Variants in LRRN2 observed in about 807,000 individuals in gnomAD.
The protein encoded by LRRN2 is leucine rich repeat neuronal 2.
In LRRN2, 10 loss-of-function variants were observed where a neutral mutation model predicts 35.7. The observed-to-expected ratio is 0.28, with a 90% CI of 0.17 to 0.47. The LOEUF (loss-of-function observed/expected upper bound fraction) is 0.47. LRRN2 is among the 20% of genes least tolerant of loss of function. The pLI is 0.99. For missense variants in LRRN2, 731 were observed against 940.3 expected, an observed-to-expected ratio of 0.78 and a Z score of 2.91; for synonymous variants, 391 against 409.6, an observed-to-expected ratio of 0.95 and a Z score of 0.55.
Position 204,618,406 on chromosome 1 carries a change from C to T in LRRN2, c.1587G>A (p.Leu529=). 1 of 1,613,498 alleles carries T rather than the reference C, an allele frequency of 6.2e-7. No homozygotes were observed. The change falls in exon 2 of 2, where the codon CTG becomes CTA. Residue 529 remains leucine (L), a synonymous_variant. Coordinates refer to ENST00000367177, the MANE Select transcript of LRRN2 (RefSeq NM_201630.2). ...LQPGRDEGQG[L]ELRVQETHPY... The stretch of plus-strand genomic sequence containing the variant: ...GGTGGGTCTCCTGCACCCGGAGCTC[C>T]AGCCCCTGTCCTTCGTCCCTGCCTG...
In LRRN2 at chr1:204,617,906, A is replaced by G. The variant is rs1404093858; in HGVS notation, c.2087T>C (p.Leu696Pro). Residue 696 changes from leucine to proline, a missense_variant, in exon 2 of 2, where the codon CTG (leucine) becomes CCG (proline). Around this residue, in one of 3 missense-constraint regions of LRRN2, gnomAD observed 229 missense variants for 258.4 expected, o/e 0.89. Coordinates refer to ENST00000367177, the MANE Select transcript of LRRN2 (RefSeq NM_201630.2). Reference protein sequence around the residue: ...LVLPWNPGRKLPRSSEGETLL... With the variant: ...LVLPWNPGRKPPRSSEGETLL... ...TGTCTCCCCTTCTGAGGATCTGGGC[A>G]GCTTCCTCCCTGGATTCCAGGGCAG... 4 of 1,614,000 alleles carry G rather than the reference A, an allele frequency of 2.5e-6. No individual in the cohort carries two copies. The highest frequency in any genetic ancestry group is 3.4e-6 in the Non-Finnish European group (4 of 1,180,054).
In LRRN2 at chr1:204,619,452, C is replaced by T. The variant is rs1243536643; in HGVS notation, c.541G>A (p.Asp181Asn). The T allele has an allele frequency of 6.2e-7, 1 of 1,614,224 alleles. No individual in the cohort carries two copies. Among genetic ancestry groups the T allele is most frequent in the Non-Finnish European group, 8.5e-7 (1 of 1,180,046 alleles). The change falls in exon 2 of 2, where the codon GAC (aspartate) becomes AAC (asparagine). Residue 181 changes from aspartate (D) to asparagine (N), a missense_variant. By Grantham distance (23) the Asp-to-Asn change is conservative. Transcript: ENST00000367177. ...HLNSNLLRAI[D>N]SRWFEMLPNL... ...GGCAGCATTTCAAACCAGCGGCTGT[C>T]AATGGCCCTCAGGAGGTTGGAGTTG...
intron 1 of LRRN2, chr1:204,627,359 G>T (rs1667467489): frequency 6.6e-6 from 1 of 152,202 alleles, no homozygotes; most frequent in South Asian, 2.1e-4. Flanking sequence ...GGGACTGGAG[G>T]GCATCTGCTG....
intron 1 of LRRN2, among the ~76,000 whole-genome samples, chr1:204,674,407 G>A (rs966393749): frequency 2.0e-5 from 3 of 152,196 alleles, no homozygotes; most frequent in Non-Finnish European, 4.4e-5. Context: ...GCAAATGTGA[G>A]GTTGCCATGG....
chr1:204,637,433 G>A (rs1571649454), intron 1 of LRRN2, among the ~76,000 whole-genome samples: 1 of 152,260 alleles, frequency 6.6e-6, no homozygotes, highest in Admixed American at 6.5e-5. Context: ...CAGAGGGAGC[G>A]GCTCAGGGAG....
intron 1 of LRRN2, among the ~76,000 whole-genome samples, chr1:204,671,159 G>T (rs1668701156): frequency 6.6e-6 from 1 of 152,102 alleles, no homozygotes; most frequent in South Asian, 2.1e-4. Context: ...TAGTTTGGGG[G>T]TTTGGTGGGG....
chr1:204,644,302 G>A (rs1325633345), intron 1 of LRRN2, among the ~76,000 whole-genome samples: 2 of 152,110 alleles, frequency 1.3e-5, no homozygotes, highest in African/African-American at 4.8e-5. Context: ...GTTGCCATCT[G>A]GGCTTTCCAT....
chr1:204,653,084 C>A (rs1668269881), intron 1 of LRRN2, among the ~76,000 whole-genome samples: 1 of 152,318 alleles, frequency 6.6e-6, no homozygotes, highest in Non-Finnish European at 1.5e-5. Context: ...AGCAGAGTCC[C>A]ACAGCAGGGA....
At chr1:204,671,670 A>C (rs1668716129) in intron 1 of LRRN2, among the ~76,000 whole-genome samples, 3 of 145,970 alleles carry the variant, frequency 2.1e-5, no homozygotes, top group Admixed American at 1.4e-4. Flanking sequence ...AAAAAAAAAA[A>C]GCAAAGGTGC....
Position 204,618,303 on chromosome 1 carries a change from G to C in LRRN2, c.1690C>G (p.Leu564Val). 6.3e-7 allele frequency: 1 copy of C among 1,597,548 alleles called. No homozygotes were observed. Among genetic ancestry groups the C allele is most frequent in the Non-Finnish European group, 8.5e-7 (1 of 1,171,314 alleles). The change falls in exon 2 of 2, where the codon CTC becomes GTC. Residue 564 changes from leucine (L) to valine (V), a missense_variant. Transcript: ENST00000367177. The stretch of plus-strand genomic sequence containing the variant: ...AGAGCTGTGGCCCCCTGGCCCCGGA[G>C]GGAGGAGGCACTGGACCAGGTGAGG... ...TNLTWSSASS[L>V]RGQGATALAR...
Position 204,619,321 on chromosome 1 carries a change from G to T in LRRN2, c.672C>A (p.Asn224Lys), listed in dbSNP as rs1666662864. ...GGGCATAGTCGGAGATCTCCCGCAG[G>T]TTCATGCCTGCTAGCACCAGGCTAC... The part of the protein sequence containing the change: ...NLRSLVLAGM[N>K]LREISDYALE... Residue 224 changes from asparagine (N) to lysine (K), a missense_variant, in exon 2 of 2, where the codon AAC becomes AAA. Transcript: ENST00000367177. 1.9e-6 allele frequency: 3 copies of T among 1,614,182 alleles called. No individual in the cohort carries two copies. The highest frequency in any genetic ancestry group is 2.5e-6 in the Non-Finnish European group (3 of 1,180,036).
At chr1:204,638,534 C>T (rs760211693) in intron 1 of LRRN2, among the ~76,000 whole-genome samples, 3 of 150,608 alleles carry the variant, frequency 2.0e-5, no homozygotes, top group Admixed American at 6.7e-5. Flanking sequence ...CCTCAGCCTC[C>T]GGAGTAGCTG....
chr1:204,667,964 G>A (rs557469148), intron 1 of LRRN2, among the ~76,000 whole-genome samples: 14 of 152,260 alleles, frequency 9.2e-5, no homozygotes, highest in Non-Finnish European at 1.5e-4. Flanking sequence ...TGGAGTCTGC[G>A]GTGAGAAGCC....
chr1:204,683,012 G>A (rs185135606), intron 1 of LRRN2: 1 of 152,266 alleles, frequency 6.6e-6, no homozygotes, highest in Non-Finnish European at 1.5e-5. Flanking sequence ...AATCATGAGA[G>A]GCACACAGTA....
At chr1:204,652,271 GC>G (rs139729831) in intron 1 of LRRN2, among the ~76,000 whole-genome samples, 32,412 of 70,404 alleles carry the variant, frequency 0.46, 4,956 homozygotes, top group Admixed American at 0.58. Flanking sequence ...CCCCCCCCCC[GC>G]CCCCCCGCCG....
At chr1:204,638,642 C>T (rs1667904777) in intron 1 of LRRN2, among the ~76,000 whole-genome samples, 1 of 152,054 alleles carries the variant, frequency 6.6e-6, no homozygotes, top group Admixed American at 6.5e-5. Context: ...GAACTCCTGA[C>T]CTCGTGATCC....
intron 1 of LRRN2, among the ~76,000 whole-genome samples, chr1:204,662,734 G>A (rs1668497232): frequency 6.6e-6 from 1 of 152,186 alleles, no homozygotes; most frequent in South Asian, 2.1e-4. Context: ...TCTGGGAACT[G>A]GGACCTAAAT....
chr1:204,621,680 C>T (rs1050682221), intron 1 of LRRN2: 5 of 167,106 alleles, frequency 3.0e-5, no homozygotes, highest in African/African-American at 9.6e-5. Flanking sequence ...GCTGTTTCCT[C>T]CATCCTGAGC....
chr1:204,629,806 A>C (rs988845029), intron 1 of LRRN2: 4 of 152,722 alleles, frequency 2.6e-5, no homozygotes, highest in African/African-American at 9.6e-5. Flanking sequence ...CCTTTGCAGC[A>C]GTGTAGGTGG....
Sources: allele counts gnomAD v4.1 joint callset (sites outside exome capture counted in the v4.1 genomes callset), GRCh38; gene constraint gnomAD v4.1.1; regional missense constraint gnomAD v4.1.1; transcripts MANE v1.5; gene names NCBI Gene and HGNC (gene_info 2026-07-23, HGNC 2026-07-21).